Variants in ZC3H4 observed in about 807,000 individuals in gnomAD.
ZC3H4 encodes zinc finger CCCH domain-containing protein 4.
Under a neutral mutation model 108.3 loss-of-function variants are expected in ZC3H4, and 13 were observed. The ratio of observed to expected loss-of-function variants is 0.12; its 90% CI spans 0.08 to 0.19. The LOEUF is 0.19. Among genes scored for constraint, ZC3H4 ranks in the 10% least tolerant of loss-of-function variants. The pLI is 1.00. For synonymous variants in ZC3H4, 917 were observed against 749.6 expected (o/e 1.22, Z -3.65); for missense variants, 1,734 against 1,838.8 (o/e 0.94, Z 1.04).
In ZC3H4 at chr19:47,066,727, A is replaced by T. The variant is rs765797592; in HGVS notation, c.3541T>A (p.Ser1181Thr). The T allele has an allele frequency of 6.2e-7, 1 of 1,606,916 alleles. No homozygotes were observed. Among genetic ancestry groups the T allele is most frequent in the Admixed American group, 1.7e-5 (1 of 59,584 alleles). Residue 1181 changes from serine (S) to threonine (T), a missense_variant, in exon 15 of 15, where the codon TCG (serine) becomes ACG (threonine). Physicochemically the swap from Ser to Thr is moderately conservative, Grantham distance 58. This residue lies in a region of ZC3H4 where 518 missense variants were observed against 499.6 expected (regional missense o/e 1.04). Coordinates refer to ENST00000253048, the MANE Select transcript of ZC3H4 (RefSeq NM_015168.2). ...PKGAEGNGKS[S>T]ASKAKEPPFV... is the part of the protein sequence containing the mutation. The stretch of plus-strand genomic sequence containing the variant: ...GGGGGCTCCTTAGCCTTGGAGGCCG[A>T]GCTCTTGCCATTGCCCTCAGCACCC...
chr19:47,072,999 G>A lies in ZC3H4; in HGVS notation c.1441-286C>T, dbSNP rs570555991. Among the ~76,000 whole-genome samples, 14 of 152,164 alleles carry A rather than the reference G, an allele frequency of 9.2e-5. No homozygotes were observed. The highest frequency in any genetic ancestry group is 2.1e-4 in the Non-Finnish European group (14 of 68,026). On this transcript the variant is annotated intron_variant, in intron 11 of 14. Transcript: ENST00000253048. This position sits in a 1 kb window ranked among gnomAD's most constrained non-coding sequence, Gnocchi z 5.6. Reference sequence around the variant, plus strand: ...TTTAAAGTGAACGATTCAGCTGGGCGCAGGGACTCACATCTGTAATCCCAG... The same window carrying A: ...TTTAAAGTGAACGATTCAGCTGGGCACAGGGACTCACATCTGTAATCCCAG...
rs186653001 is a variant in ZC3H4, at chr19:47,070,141, G to T, written c.2147-798C>A. ...ATCGAATCACCGAAACGGAGGGGGG[G>T]GCGTCTGGAGTCAGTGCTGCCCCAC... On this transcript the variant is annotated intron_variant, in intron 13 of 14. Coordinates refer to ENST00000253048, the MANE Select transcript of ZC3H4 (RefSeq NM_015168.2). 4.3e-4 allele frequency among the ~76,000 whole-genome samples: 66 copies of T among 152,298 alleles called. No individual in the cohort carries two copies. In the East Asian group the frequency reaches 9.3e-3, roughly 21 times the overall value.
chr19:47,091,905 T>C (rs576891924), intron 4 of ZC3H4, among the ~76,000 whole-genome samples: 1 of 150,804 alleles, frequency 6.6e-6, no homozygotes, highest in East Asian at 2.0e-4. Context: ...AATAAATGAA[T>C]GAATGAACGC....
At chr19:47,077,830 C>G (rs886228001) in intron 11 of ZC3H4, among the ~76,000 whole-genome samples, 9 of 147,878 alleles carry the variant, frequency 6.1e-5, no homozygotes, top group Non-Finnish European at 1.3e-4. Flanking sequence ...GTGCTCCAGC[C>G]TGGGCAACAA....
At chr19:47,112,081 C>A (rs1033911163) in intron 2 of ZC3H4, 6 of 1,003,908 alleles carry the variant, frequency 6.0e-6, no homozygotes, top group Non-Finnish European at 7.2e-6. Context: ...CTCCGCAGCA[C>A]CCCCCACGGC....
In ZC3H4 at chr19:47,093,981, G is replaced by T. The variant is rs758814242; in HGVS notation, c.481C>A (p.Pro161Thr). ...TGCCAGTCACTCACCGGCGCATATGGGGGGCTGTACTCTCTGTACTTGCGG... is the reference window on the plus strand; with the variant it reads ...TGCCAGTCACTCACCGGCGCATATGTGGGGCTGTACTCTCTGTACTTGCGG... ...GHRKYREYSP[P>T]YAPSHQQYPP... The change falls in exon 4 of 15, where the codon CCA becomes ACA. Residue 161 changes from proline (P) to threonine (T), a missense_variant. Transcript: ENST00000253048. 1.9e-6 allele frequency: 3 copies of T among 1,613,194 alleles called. No homozygotes were observed. In the African/African-American group the frequency reaches 4.0e-5, roughly 22 times the overall value.
chr19:47,095,328 G>A (rs1375848179), intron 2 of ZC3H4, among the ~76,000 whole-genome samples: 1 of 152,194 alleles, frequency 6.6e-6, no homozygotes, highest in Non-Finnish European at 1.5e-5. Context: ...CTGGAAACAG[G>A]CTCAGAGTCC....
rs765208987 is a variant in ZC3H4 at position 47,066,962 on chromosome 19, C to A, written c.3306G>T (p.Ala1102=). The A allele has an allele frequency of 3.1e-6, 5 of 1,591,766 alleles. No homozygotes were observed. Among genetic ancestry groups the A allele is most frequent in the Non-Finnish European group, 4.3e-6 (5 of 1,169,782 alleles). The change falls in exon 15 of 15, where the codon GCG becomes GCT. Residue 1102 remains alanine, a synonymous_variant. Transcript: ENST00000253048. Reference sequence around the variant, plus strand: ...CACTCGGGCTGGCGGTGGGAGAGGGCGCCTCAGCAGGGCCGGGCTTGGCAG... The same window carrying A: ...CACTCGGGCTGGCGGTGGGAGAGGGAGCCTCAGCAGGGCCGGGCTTGGCAG... ...SRAAKPGPAE[A]PSPTASPSGD... is the part of the protein sequence containing the mutation.
At chr19:47,074,557 G>A (rs1017442908) in intron 11 of ZC3H4, among the ~76,000 whole-genome samples, 1 of 152,250 alleles carries the variant, frequency 6.6e-6, no homozygotes, top group Non-Finnish European at 1.5e-5. Context: ...TGGTGTCTGG[G>A]AAGCTGCATT....
At position 47,069,072 on chromosome 19, in the gene ZC3H4, C is replaced by T. The variant is rs376205252; in HGVS notation, c.2398+20G>A. ...CAGCGGCCTGGGGCCTGTGCCCCGG[C>T]CCCTGGGGCGGACACGTGCCTTCCT... On this transcript the variant is annotated intron_variant, in intron 14 of 14. Transcript: ENST00000253048. The T allele has an allele frequency of 2.7e-5, 43 of 1,601,704 alleles. No individual in the cohort carries two copies. Among genetic ancestry groups the T allele is most frequent in the Non-Finnish European group, 3.5e-5 (41 of 1,179,828 alleles).
chr19:47,112,665 A>C, intron 1 of ZC3H4, 76 bp from the exon 2 acceptor site: 1 of 1,003,254 alleles, frequency 1.0e-6, no homozygotes, highest in Non-Finnish European at 1.3e-6. Context: ...TTAAGCTCGG[A>C]GGGCTCCTGA....
chr19:47,110,940 A>C (rs1446519586), intron 2 of ZC3H4: 2 of 984,990 alleles, frequency 2.0e-6, no homozygotes, highest in Non-Finnish European at 2.4e-6. Flanking sequence ...CATTTCTTTT[A>C]AAAGGCAAAG....
intron 11 of ZC3H4, among the ~76,000 whole-genome samples, chr19:47,075,219 G>C (rs2057398697): frequency 6.6e-6 from 1 of 152,124 alleles, no homozygotes. Flanking sequence ...GATATTCCAG[G>C]GGTGGTCAGC....
intron 2 of ZC3H4, among the ~76,000 whole-genome samples, chr19:47,099,774 G>A (rs1019005249): frequency 2.8e-4 from 41 of 144,974 alleles, no homozygotes; most frequent in African/African-American, 9.5e-4. Flanking sequence ...TTGGACGAAA[G>A]CTGAAAGGGG....
chr19:47,065,039 TG>T lies in ZC3H4; in HGVS notation c.*1316del, dbSNP rs895106551. ...CACACACTTCCTGAGGCCCCTCAAG[TG>T]GCCCAGAGGCAGGATAGCAGGCCTC... On this transcript the variant is annotated 3_prime_UTR_variant, in exon 15 of 15. Transcript: ENST00000253048. 4 of 152,350 alleles carry T rather than the reference TG, an allele frequency of 2.6e-5. No homozygotes were observed. Among genetic ancestry groups the T allele is most frequent in the Non-Finnish European group, 5.9e-5 (4 of 68,178 alleles). The allele number at this position is 152,350 out of a possible 1,614,324, so 9.4% of individuals were successfully genotyped here. A position where few individuals can be genotyped will look rare whatever the true frequency, so the allele number is the denominator to read the frequency against.
At position 47,067,065 on chromosome 19, in the gene ZC3H4, G is replaced by A; in HGVS notation, c.3203C>T (p.Pro1068Leu). ...GGCCTTCCGCACCCGGGGGTCACTG[G>A]GTTTGTCGCTGGAACCGGGGGCGGC... ...SSAAPGSSDKPSDPRVRKAPT... is the reference protein window; with the variant it reads ...SSAAPGSSDKLSDPRVRKAPT... Residue 1068 changes from proline (P) to leucine (L), a missense_variant, in exon 15 of 15, where the codon CCC (proline) becomes CTC (leucine). Coordinates refer to ENST00000253048, the MANE Select transcript of ZC3H4 (RefSeq NM_015168.2). The surrounding 1 kb of genome is among the most constrained non-coding windows in gnomAD (Gnocchi z 6.4). 6.2e-7 allele frequency: 1 copy of A among 1,609,308 alleles called. No individual in the cohort carries two copies. The highest frequency in any genetic ancestry group is 8.5e-7 in the Non-Finnish European group (1 of 1,177,976).
rs1486764035 is a variant in ZC3H4 at position 47,105,156 on chromosome 19, C to CA, written c.161+7267dup. Among the ~76,000 whole-genome samples, 19 of 151,934 alleles carry CA rather than the reference C, an allele frequency of 1.3e-4. No individual in the cohort carries two copies. The South Asian group carries it at 1.5e-3, about 12-fold the overall frequency. On this transcript the variant is annotated intron_variant, in intron 2 of 14. Transcript: ENST00000253048. ...ATTCCCTCCTCATTCCTTCCCACCA[C>CA]AAAAAAAATGACAATGGCTGCTGTG...
chr19:47,079,101 C>G (rs946962163), intron 11 of ZC3H4, among the ~76,000 whole-genome samples: 2 of 149,744 alleles, frequency 1.3e-5, no homozygotes, highest in African/African-American at 4.9e-5. Context: ...ACGATCTCAG[C>G]TCACCGCAAC....
Position 47,111,000 on chromosome 19 carries a change from G to A in ZC3H4, c.161+1424C>T, listed in dbSNP as rs951356048. 3 of 836,272 alleles carry A rather than the reference G, an allele frequency of 3.6e-6. No individual in the cohort carries two copies. The African/African-American group carries it at 5.5e-5, about 15-fold the overall frequency. 51.8% of individuals were successfully genotyped at this position (836,272 alleles called of 1,614,324 possible). A position where few individuals can be genotyped will look rare whatever the true frequency, so the allele number is the denominator to read the frequency against. ...AAAGGGGAGGTGGGAGTGGGGAGAAGGGGTCGTACGTACAGCCTGGCAAGG... is the reference window on the plus strand; with the variant it reads ...AAAGGGGAGGTGGGAGTGGGGAGAAAGGGTCGTACGTACAGCCTGGCAAGG... On this transcript the variant is annotated intron_variant, in intron 2 of 14. Transcript: ENST00000253048.
Sources: gnomAD v4.1 joint callset for allele counts (sites outside exome capture counted in the v4.1 genomes callset) on GRCh38, gnomAD v4.1.1 for gene constraint, gnomAD v4.1.1 regional missense constraint, Gnocchi (gnomAD v3.1) non-coding constraint, MANE v1.5 for transcripts, NCBI Gene and HGNC (gene_info 2026-07-23, HGNC 2026-07-21) for gene names.